DERA: variants seen among roughly 807,000 people sequenced by gnomAD.
DERA encodes deoxyribose-phosphate aldolase.
DERA carries 15 observed loss-of-function variants against 41.1 expected under a neutral mutation model. The observed-to-expected ratio is 0.37, with a 90% CI of 0.24 to 0.56. DERA has a LOEUF of 0.56. Among genes scored for constraint, DERA ranks in the 20% least tolerant of loss-of-function variants. The probability of loss-of-function intolerance (pLI) is 0.81; values close to 1 mark genes in which losing one functional copy is unlikely to be tolerated. For synonymous variants in DERA, 139 were observed against 137.4 expected (o/e 1.01, Z -0.08); for missense variants, 396 against 403.4 (o/e 0.98, Z 0.16).
At chr12:15,958,399 G>T (rs1948557412) in intron 3 of DERA, 64 bp downstream of exon 3, 1 of 1,329,080 alleles carries the variant, frequency 7.5e-7, no homozygotes, top group Non-Finnish European at 1.0e-6. Context: ...CTAAATCAAA[G>T]ACGACTTAAG....
At position 15,943,070 on chromosome 12, in the gene DERA, C is replaced by G. The variant is rs1045310462; in HGVS notation, c.32-13866C>G. Among the ~76,000 whole-genome samples the G allele has an allele frequency of 6.6e-6, 1 of 152,104 alleles. No individual in the cohort carries two copies. The highest frequency in any genetic ancestry group is 1.5e-5 in the Non-Finnish European group (1 of 68,018). The stretch of plus-strand genomic sequence containing the variant: ...GTTGGGGAGAGGGACAGCGATGTCA[C>G]CCCTGACAGTGTGTTCTAATCTGTA... On this transcript the variant is annotated intron_variant, in intron 1 of 8. Coordinates refer to ENST00000428559, the MANE Select transcript of DERA (RefSeq NM_015954.4). This position sits in a 1 kb window ranked among gnomAD's most constrained non-coding sequence, Gnocchi z 4.5.
At position 15,999,699 on chromosome 12, in the gene DERA, T is replaced by C. The variant is rs974179519; in HGVS notation, c.637+17263T>C. Among the ~76,000 whole-genome samples, 1 of 152,122 alleles carries C rather than the reference T, an allele frequency of 6.6e-6. No homozygotes were observed. Among genetic ancestry groups the C allele is most frequent in the Non-Finnish European group, 1.5e-5 (1 of 68,022 alleles). On this transcript the variant is annotated intron_variant, in intron 6 of 8. Coordinates refer to ENST00000428559, the MANE Select transcript of DERA (RefSeq NM_015954.4). This position sits in a 1 kb window ranked among gnomAD's most constrained non-coding sequence, Gnocchi z 5.3. Reference sequence around the variant, plus strand: ...TGGAGTTTAAGGCCATGCTAAGGAATTGAAGTTTCGTGTTTGGGGGTACAG... The same window carrying C: ...TGGAGTTTAAGGCCATGCTAAGGAACTGAAGTTTCGTGTTTGGGGGTACAG...
At chr12:15,930,920 A>C (rs1948322889) in intron 1 of DERA, among the ~76,000 whole-genome samples, 1 of 152,168 alleles carries the variant, frequency 6.6e-6, no homozygotes, top group Admixed American at 6.5e-5. Context: ...TAGGACATTG[A>C]GTACTGAGCT....
At chr12:15,974,533 T>A (rs2136157299) in intron 5 of DERA, among the ~76,000 whole-genome samples, 1 of 152,328 alleles carries the variant, frequency 6.6e-6, no homozygotes, top group South Asian at 2.1e-4. Context: ...CTCAATGCAT[T>A]ATTTCAGGAG....
chr12:15,955,561 A>C (rs1171350494), intron 1 of DERA, among the ~76,000 whole-genome samples: 2 of 152,174 alleles, frequency 1.3e-5, no homozygotes, highest in African/African-American at 2.4e-5. Context: ...AAATGTTAAA[A>C]ATCTGGTTTG....
Position 16,036,136 on chromosome 12 carries a change from GGAGA to G in DERA, c.751-89_751-86del. On this transcript the variant is annotated intron_variant, in intron 7 of 8. Transcript: ENST00000428559. The surrounding 1 kb of genome is among the most constrained non-coding windows in gnomAD (Gnocchi z 4.9). ...AAAAGATTTTTTTTCAACAAAAGAG[GGAGA>G]GAGAGAATCAAGACTCTGATAAACA... 2 of 1,153,432 alleles carry G rather than the reference GGAGA, an allele frequency of 1.7e-6. No homozygotes were observed. Among genetic ancestry groups the G allele is most frequent in the Non-Finnish European group, 1.1e-6 (1 of 882,844 alleles). 71.4% of individuals were successfully genotyped at this position (1,153,432 alleles called of 1,614,324 possible). A position where few individuals can be genotyped will look rare whatever the true frequency, so the allele number is the denominator to read the frequency against.
In DERA at chr12:15,988,395, A is replaced by G. The variant is rs1314566068; in HGVS notation, c.637+5959A>G. Among the ~76,000 whole-genome samples, 1 of 152,178 alleles carries G rather than the reference A, an allele frequency of 6.6e-6. No homozygotes were observed. The highest frequency in any genetic ancestry group is 2.4e-5 in the African/African-American group (1 of 41,448). ...CAACAGAACAGCTGTCAGGAGACCCAAAGCAAGTAGCTCCTTTCTGCAGGC... is the reference window on the plus strand; with the variant it reads ...CAACAGAACAGCTGTCAGGAGACCCGAAGCAAGTAGCTCCTTTCTGCAGGC... On this transcript the variant is annotated intron_variant, in intron 6 of 8. Coordinates refer to ENST00000428559, the MANE Select transcript of DERA (RefSeq NM_015954.4). This position sits in a 1 kb window ranked among gnomAD's most constrained non-coding sequence, Gnocchi z 6.0.
Position 15,994,641 on chromosome 12 carries a change from G to C in DERA, c.637+12205G>C, listed in dbSNP as rs1338894217. On this transcript the variant is annotated intron_variant, in intron 6 of 8. Transcript: ENST00000428559. This position sits in a 1 kb window ranked among gnomAD's most constrained non-coding sequence, Gnocchi z 4.8. ...GCTAATTTTTTGTATTTTTAGTAGA[G>C]ACGGGGTTTCACCATGTTAGCCAGC... Among the ~76,000 whole-genome samples the C allele has an allele frequency of 2.6e-5, 4 of 152,140 alleles. No individual in the cohort carries two copies. Among genetic ancestry groups the C allele is most frequent in the Admixed American group, 2.6e-4 (4 of 15,274 alleles).
At position 16,010,831 on chromosome 12, in the gene DERA, A is replaced by C. The variant is rs751335916; in HGVS notation, c.638-21711A>C. 5.3e-5 allele frequency among the ~76,000 whole-genome samples: 8 copies of C among 152,118 alleles called. No homozygotes were observed. Among genetic ancestry groups the C allele is most frequent in the Non-Finnish European group, 4.4e-5 (3 of 68,020 alleles). On this transcript the variant is annotated intron_variant, in intron 6 of 8. Transcript: ENST00000428559. The surrounding 1 kb of genome is among the most constrained non-coding windows in gnomAD (Gnocchi z 5.5). ...TTGGAGATAAGACTCCCCACAGAAA[A>C]ATTAACACAACTTCTTTTATGAAAG...
At position 15,990,806 on chromosome 12, in the gene DERA, G is replaced by A. The variant is rs1432462892; in HGVS notation, c.637+8370G>A. 6.6e-6 allele frequency among the ~76,000 whole-genome samples: 1 copy of A among 152,138 alleles called. No individual in the cohort carries two copies. The highest frequency in any genetic ancestry group is 1.5e-5 in the Non-Finnish European group (1 of 68,022). ...CTCATTCTTTTTTTATGGCTGGATA[G>A]TAGTCCATGGTGCATATATATACAC... On this transcript the variant is annotated intron_variant, in intron 6 of 8. Transcript: ENST00000428559. The surrounding 1 kb of genome is among the most constrained non-coding windows in gnomAD (Gnocchi z 4.3).
rs1353807055 is a variant in DERA, at chr12:15,982,543, A to AT, written c.637+114dup. 4.0e-6 allele frequency: 5 copies of AT among 1,256,054 alleles called. No homozygotes were observed. Among genetic ancestry groups the AT allele is most frequent in the Middle Eastern group, 2.8e-4 (1 of 3,546 alleles). 77.8% of individuals were successfully genotyped at this position (1,256,054 alleles called of 1,614,324 possible). On this transcript the variant is annotated intron_variant, in intron 6 of 8. Coordinates refer to ENST00000428559, the MANE Select transcript of DERA (RefSeq NM_015954.4). This position sits in a 1 kb window ranked among gnomAD's most constrained non-coding sequence, Gnocchi z 4.0. ...TTATTAAACGTGCTAACCACTTGGA[A>AT]TTTTTTTGCGGGAGGAATCGGATAT... is the stretch of plus-strand genomic sequence containing the variant.
Position 16,003,318 on chromosome 12 carries a change from T to G in DERA, c.637+20882T>G, listed in dbSNP as rs1225769452. Among the ~76,000 whole-genome samples the G allele has an allele frequency of 6.6e-6, 1 of 152,200 alleles. No individual in the cohort carries two copies. Among genetic ancestry groups the G allele is most frequent in the Non-Finnish European group, 1.5e-5 (1 of 68,040 alleles). On this transcript the variant is annotated intron_variant, in intron 6 of 8. Coordinates refer to ENST00000428559, the MANE Select transcript of DERA (RefSeq NM_015954.4). The surrounding 1 kb of genome is among the most constrained non-coding windows in gnomAD (Gnocchi z 4.8). ...TACCGTACTCCATTGCGACCTCATA[T>G]TGACTAATTATATCTGCAAGCACCC...
chr12:15,963,622 G>T (rs1948603801), intron 5 of DERA, among the ~76,000 whole-genome samples: 1 of 152,068 alleles, frequency 6.6e-6, no homozygotes, highest in Admixed American at 6.6e-5. Flanking sequence ...AGCTAGAAAA[G>T]TAAAATTCTC....
chr12:15,974,151 T>C (rs1214133741), intron 5 of DERA, among the ~76,000 whole-genome samples: 1 of 152,204 alleles, frequency 6.6e-6, no homozygotes, highest in Admixed American at 6.5e-5. Context: ...TACCCTTAAA[T>C]ACTTCAGTGT....
intron 5 of DERA, 116 bp downstream of exon 5, chr12:15,963,063 C>A (rs1293258114): frequency 2.2e-6 from 3 of 1,372,784 alleles, no homozygotes; most frequent in South Asian, 1.6e-5. Flanking sequence ...GTTAGTAGAT[C>A]AAATGGTGAG....
chr12:15,977,307 A>G (rs556940746), intron 5 of DERA, among the ~76,000 whole-genome samples: 83 of 152,190 alleles, frequency 5.5e-4, no homozygotes, highest in South Asian at 2.5e-3. Flanking sequence ...ACGTGCATGC[A>G]TGTGTGTGTG....
At chr12:16,031,258 G>A (rs1230594817) in intron 6 of DERA, among the ~76,000 whole-genome samples, 1 of 152,204 alleles carries the variant, frequency 6.6e-6, no homozygotes, top group Non-Finnish European at 1.5e-5. Context: ...ACATTGTATG[G>A]TTTTGAGGGC....
intron 7 of DERA, among the ~76,000 whole-genome samples, chr12:16,033,375 T>C (rs1176044003): frequency 6.6e-6 from 1 of 152,228 alleles, no homozygotes; most frequent in Non-Finnish European, 1.5e-5. Flanking sequence ...TTTGGAAGAC[T>C]GTTAAGCTGA....
chr12:15,949,099 G>A (rs1462787250), intron 1 of DERA, among the ~76,000 whole-genome samples: 2 of 152,196 alleles, frequency 1.3e-5, no homozygotes, highest in African/African-American at 4.8e-5. Context: ...TGGGGTGTCA[G>A]TCTGCTCCTA....
Sources: allele counts gnomAD v4.1 joint callset (sites outside exome capture counted in the v4.1 genomes callset), GRCh38; gene constraint gnomAD v4.1.1; non-coding constraint Gnocchi (gnomAD v3.1); transcripts MANE v1.5; gene names NCBI Gene and HGNC (gene_info 2026-07-23, HGNC 2026-07-21).